Variants in SOS1 observed in about 807,000 individuals in gnomAD.
SOS1 encodes son of sevenless homolog 1.
SOS1 carries 25 observed loss-of-function variants against 157.6 expected under a neutral mutation model. That is an observed-to-expected ratio of 0.16 (90% CI 0.12 to 0.22). SOS1 has a LOEUF of 0.22. Among genes scored for constraint, SOS1 ranks in the 10% least tolerant of loss-of-function variants. The pLI is 1.00. For missense variants in SOS1, 1,237 were observed against 1,599.1 expected (o/e 0.77, Z 3.86); for synonymous variants, 528 against 534.0 (o/e 0.99, Z 0.16).
chr2:39,072,494 A>C (rs756838229), intron 1 of SOS1, among the ~76,000 whole-genome samples: 35 of 152,240 alleles, frequency 2.3e-4, no homozygotes, highest in Admixed American at 5.2e-4. Context: ...AAAAGCAGTT[A>C]GAACTAAAAC....
At chr2:38,989,168 A>AAGC in intron 21 of SOS1, 102 bp downstream of exon 21, 1 of 782,872 alleles carries the variant, frequency 1.3e-6, no homozygotes, top group Non-Finnish European at 2.3e-6. Flanking sequence ...GCAAGGTACC[A>AAGC]ATGCTGCCAG....
rs1337864907 is a variant in SOS1 at position 39,008,552 on chromosome 2, T to C, written c.2511-1359A>G. Reference sequence around the variant, plus strand: ...TCTAATGAAGATACACCCTAGACTGTAGGCAGAGTAGTTTGCAGGAGACAA... The same window carrying C: ...TCTAATGAAGATACACCCTAGACTGCAGGCAGAGTAGTTTGCAGGAGACAA... On this transcript the variant is annotated intron_variant, in intron 15 of 22. Coordinates refer to ENST00000402219, the MANE Select transcript of SOS1 (RefSeq NM_005633.4). 2.0e-5 allele frequency among the ~76,000 whole-genome samples: 3 copies of C among 152,318 alleles called. No homozygotes were observed. In the East Asian group the frequency reaches 5.8e-4, roughly 29 times the overall value.
At chr2:39,120,274 CCTTCCCCAGCGCCCGCG>C in intron 1 of SOS1, 45 bp downstream of exon 1, 1 of 1,466,686 alleles carries the variant, frequency 6.8e-7, no homozygotes, top group South Asian at 1.2e-5. Context: ...CCTCCCCAGC[CCTTCCCCAGCGCCCGCG>C]CTGGGGGGCT....
Position 39,104,555 on chromosome 2 carries a change from T to C in SOS1, c.87+15781A>G, listed in dbSNP as rs576850137. On this transcript the variant is annotated intron_variant, in intron 1 of 22. Coordinates refer to ENST00000402219, the MANE Select transcript of SOS1 (RefSeq NM_005633.4). ...CTGTGAAAAACAATATGGCAGTTCCTGAAGAAGCTAACCACAGCGAATTAC... is the reference window on the plus strand; with the variant it reads ...CTGTGAAAAACAATATGGCAGTTCCCGAAGAAGCTAACCACAGCGAATTAC... 6.6e-5 allele frequency among the ~76,000 whole-genome samples: 10 copies of C among 152,302 alleles called. No individual in the cohort carries two copies. In the South Asian group the frequency reaches 1.9e-3, roughly 28 times the overall value.
intron 17 of SOS1, among the ~76,000 whole-genome samples, chr2:39,003,475 G>C (rs1194707659): frequency 6.6e-6 from 1 of 152,034 alleles, no homozygotes; most frequent in Non-Finnish European, 1.5e-5. Context: ...AATTATGTAA[G>C]GCGTAACATA....
At chr2:39,079,651 T>C (rs184358900) in intron 1 of SOS1, among the ~76,000 whole-genome samples, 18 of 151,918 alleles carry the variant, frequency 1.2e-4, no homozygotes, top group African/African-American at 3.4e-4. Context: ...CGTGCCACCA[T>C]GCCCGGCTAA....
At chr2:39,106,090 C>T (rs1364369003) in intron 1 of SOS1, among the ~76,000 whole-genome samples, 1 of 151,554 alleles carries the variant, frequency 6.6e-6, no homozygotes, top group Non-Finnish European at 1.5e-5. Flanking sequence ...CATGGTGGTA[C>T]GTGCCTGTGG....
At chr2:39,066,715 A>G (rs1253931922) in intron 2 of SOS1, among the ~76,000 whole-genome samples, 1 of 152,192 alleles carries the variant, frequency 6.6e-6, no homozygotes, top group African/African-American at 2.4e-5. Flanking sequence ...GAGATTACAC[A>G]ATCTCCTTCC....
At chr2:39,000,013 C>T (rs1669040689) in intron 17 of SOS1, among the ~76,000 whole-genome samples, 1 of 151,984 alleles carries the variant, frequency 6.6e-6, no homozygotes, top group South Asian at 2.1e-4. Context: ...ATGAGGGCTG[C>T]CCTAGTGTCT....
intron 20 of SOS1, 77 bp from the exon 21 acceptor site, chr2:38,989,391 T>C (rs1668658515): frequency 4.5e-6 from 4 of 880,498 alleles, no homozygotes; most frequent in South Asian, 1.4e-5. Context: ...ATTTGTATTA[T>C]GATGAAAATG....
intron 1 of SOS1, among the ~76,000 whole-genome samples, chr2:39,075,620 A>G (rs1671943760): frequency 6.6e-6 from 1 of 152,126 alleles, no homozygotes; most frequent in African/African-American, 2.4e-5. Flanking sequence ...CCTGGAGAAA[A>G]CAGACAGACT....
At chr2:39,101,783 G>C (rs1672975947) in intron 1 of SOS1, among the ~76,000 whole-genome samples, 1 of 152,094 alleles carries the variant, frequency 6.6e-6, no homozygotes, top group African/African-American at 2.4e-5. Context: ...CTTCCCAAAT[G>C]TACTCCAGGT....
chr2:38,985,772 T>C lies in SOS1; in HGVS notation c.*52A>G, dbSNP rs918090473. 4 of 1,610,142 alleles carry C rather than the reference T, an allele frequency of 2.5e-6. No homozygotes were observed. The African/African-American group carries it at 5.3e-5, about 22-fold the overall frequency. ...GTGCTGGCACATTCAGTGCATCCAT[T>C]GCCAGCAATGGATTTGGGGCTAGGA... On this transcript the variant is annotated 3_prime_UTR_variant, in exon 23 of 23. Transcript: ENST00000402219.
chr2:39,007,937 G>T (rs533955197), intron 15 of SOS1, among the ~76,000 whole-genome samples: 1 of 152,284 alleles, frequency 6.6e-6, no homozygotes, highest in South Asian at 2.1e-4. Flanking sequence ...TGGTAAGAGA[G>T]GGGAGAGAGT....
In SOS1 at chr2:39,022,677, T is replaced by C. The variant is rs780325631; in HGVS notation, c.1751A>G (p.Glu584Gly). Reference sequence around the variant, plus strand: ...CATGTTCTCTTCAAATATAATATTCTCTTCAGAGTCAGGCTCTGCAAATCT... The same window carrying C: ...CATGTTCTCTTCAAATATAATATTCCCTTCAGAGTCAGGCTCTGCAAATCT... ...VYRFAEPDSE[E>G]NIIFEENMQP... Residue 584 changes from glutamate (E) to glycine (G), a missense_variant, in exon 10 of 23, where the codon GAG becomes GGG. Glu to Gly is a moderately conservative substitution (Grantham distance 98, BLOSUM62 -2). Coordinates refer to ENST00000402219, the MANE Select transcript of SOS1 (RefSeq NM_005633.4). 2.5e-5 allele frequency: 41 copies of C among 1,613,376 alleles called. No homozygotes were observed. The highest frequency in any genetic ancestry group is 3.5e-5 in the Non-Finnish European group (41 of 1,179,364).
At chr2:39,106,212 CAA>C (rs1417052574) in intron 1 of SOS1, among the ~76,000 whole-genome samples, 3 of 138,876 alleles carry the variant, frequency 2.2e-5, no homozygotes, top group Admixed American at 7.4e-5. Flanking sequence ...CACACACACA[CAA>C]ATCAGCATGA....
At chr2:39,103,217 T>C (rs1484923174) in intron 1 of SOS1, among the ~76,000 whole-genome samples, 1 of 152,194 alleles carries the variant, frequency 6.6e-6, no homozygotes, top group African/African-American at 2.4e-5. Context: ...CTTAATATTG[T>C]TGACATCAAT....
In SOS1 at chr2:38,985,882, G is replaced by C. The variant is rs779904535; in HGVS notation, c.3944C>G (p.Thr1315Arg). 33 of 1,613,906 alleles carry C rather than the reference G, an allele frequency of 2.0e-5. No individual in the cohort carries two copies. The East Asian group carries it at 5.3e-4, about 26-fold the overall frequency. The change falls in exon 23 of 23, where the codon ACA becomes AGA. Residue 1315 changes from threonine to arginine, a missense_variant. Coordinates refer to ENST00000402219, the MANE Select transcript of SOS1 (RefSeq NM_005633.4). ...LPPKTYKREH[T>R]HPSMHRDGPP... ...TCCATCTCTGTGCATGGATGGGTGTGTGTGCTCCCTTTTGTAAGTTTTTGG... is the reference window on the plus strand; with the variant it reads ...TCCATCTCTGTGCATGGATGGGTGTCTGTGCTCCCTTTTGTAAGTTTTTGG...
intron 19 of SOS1, among the ~76,000 whole-genome samples, chr2:38,996,072 T>A (rs933527062): frequency 9.2e-5 from 14 of 152,190 alleles, no homozygotes; most frequent in Non-Finnish European, 1.3e-4. Context: ...GCCATCTATG[T>A]TTAATTCAGG....
Sources: allele counts gnomAD v4.1 joint callset (sites outside exome capture counted in the v4.1 genomes callset), GRCh38; gene constraint gnomAD v4.1.1; transcripts MANE v1.5; gene names NCBI Gene and HGNC (gene_info 2026-07-23, HGNC 2026-07-21).